LSP1: variants seen among roughly 807,000 people sequenced by gnomAD.
LSP1 encodes the protein lymphocyte-specific protein 1.
LSP1 carries 32 observed loss-of-function variants against 49.3 expected under a neutral mutation model. The observed-to-expected ratio is 0.65, with a 90% CI of 0.49 to 0.87. The LOEUF (loss-of-function observed/expected upper bound fraction) is 0.87. Ranked by LOEUF, LSP1 falls within the 40% of genes least tolerant of loss-of-function variation. The pLI, the probability that LSP1 is intolerant of heterozygous loss-of-function variation, is 0.00. For missense variants in LSP1, 428 were observed against 442.6 expected (o/e 0.97, Z 0.30); for synonymous variants, 179 against 178.8 (o/e 1.00, Z -0.01).
At chr11:1,867,549 C>T (rs1477924210) in intron 1 of LSP1, among the ~76,000 whole-genome samples, 1 of 152,128 alleles carries the variant, frequency 6.6e-6, no homozygotes, top group African/African-American at 2.4e-5. Flanking sequence ...GGTGAAGAGA[C>T]TTCAAGGCCA....
At chr11:1,891,205 C>G (rs2133148339) in intron 10 of LSP1, 1 of 152,770 alleles carries the variant, frequency 6.5e-6, no homozygotes, top group Admixed American at 6.5e-5. Flanking sequence ...TGGGATATTC[C>G]CGCAGACCTC....
intron 10 of LSP1, chr11:1,889,826 G>A (rs1332913847): frequency 1.6e-6 from 1 of 634,644 alleles, no homozygotes; most frequent in Non-Finnish European, 2.9e-6. Flanking sequence ...AGGCCTGGAA[G>A]CCGGGTGGCG....
At chr11:1,870,912 C>T (rs563438350) in intron 1 of LSP1, 14 of 985,818 alleles carry the variant, frequency 1.4e-5, no homozygotes, top group East Asian at 1.1e-4. Flanking sequence ...GCCCAGGCGC[C>T]GCAGCGCTCC....
chr11:1,890,102 G>T, intron 10 of LSP1: 1 of 716,732 alleles, frequency 1.4e-6, no homozygotes, highest in Non-Finnish European at 2.6e-6. Context: ...TGGGGGGCCG[G>T]GTAGGTTCTG....
chr11:1,866,984 G>C, intron 1 of LSP1: 1 of 1,392,338 alleles, frequency 7.2e-7, no homozygotes, highest in Non-Finnish European at 9.5e-7. Context: ...GTGGACCTGG[G>C]GAGGAGACAC....
chr11:1,857,701 C>T (rs1430076340), intron 1 of LSP1, among the ~76,000 whole-genome samples: 1 of 152,206 alleles, frequency 6.6e-6, no homozygotes, highest in Non-Finnish European at 1.5e-5. Context: ...CATCTGCACA[C>T]TCAGAATGTA....
At chr11:1,853,391 A>T (rs1847409308) in intron 1 of LSP1, among the ~76,000 whole-genome samples, 194 bp downstream of exon 1, 1 of 152,260 alleles carries the variant, frequency 6.6e-6, no homozygotes, top group African/African-American at 2.4e-5. Context: ...CCCCCCTCTC[A>T]CAACAAGGGT....
At chr11:1,878,497 A>C (rs964051223) in intron 1 of LSP1, among the ~76,000 whole-genome samples, 3 of 152,026 alleles carry the variant, frequency 2.0e-5, no homozygotes, top group Non-Finnish European at 4.4e-5. Context: ...GGCGGGGTGC[A>C]CAGGCGGCTG....
chr11:1,874,300 TGGGGACAGTGAGGGCAGGCC>T (rs1848216477), intron 1 of LSP1, among the ~76,000 whole-genome samples: 2 of 10,328 alleles, frequency 1.9e-4, no homozygotes, highest in Admixed American at 2.6e-3. Flanking sequence ...GGGGCAGTGT[TGGGGACAGTGAGGGCAGGCC>T]GGGGACAGTG....
intron 1 of LSP1, chr11:1,871,039 C>G (rs1475621811): frequency 1.0e-6 from 1 of 985,480 alleles, no homozygotes; most frequent in Non-Finnish European, 1.2e-6. Flanking sequence ...TGCATGTAGA[C>G]GCATGCGAGG....
At chr11:1,870,565 G>A (rs1847956514) in intron 1 of LSP1, 5 of 1,150,514 alleles carry the variant, frequency 4.3e-6, no homozygotes, top group South Asian at 1.9e-5. Context: ...TGGGTGCTAC[G>A]GTAGGAAGAT....
chr11:1,885,374 C>T lies in LSP1; in HGVS notation c.717+793C>T, dbSNP rs145968477. 1.3e-4 allele frequency among the ~76,000 whole-genome samples: 20 copies of T among 152,166 alleles called. No individual in the cohort carries two copies. The East Asian group carries it at 3.7e-3, about 28-fold the overall frequency. On this transcript the variant is annotated intron_variant, in intron 7 of 10. Transcript: ENST00000311604. ...CATCCAACCAATAGTCCTTCATCCACCAACTCCCTTCAATCCAACCAATAC... is the reference window on the plus strand; with the variant it reads ...CATCCAACCAATAGTCCTTCATCCATCAACTCCCTTCAATCCAACCAATAC...
intron 3 of LSP1, among the ~76,000 whole-genome samples, chr11:1,882,157 CAG>C (rs1848574096): frequency 6.6e-6 from 1 of 152,208 alleles, no homozygotes; most frequent in Admixed American, 6.5e-5. Context: ...ACAGGCCCAA[CAG>C]GGGCTGCTCC....
chr11:1,890,536 G>C, intron 10 of LSP1: 1 of 715,004 alleles, frequency 1.4e-6, no homozygotes, highest in East Asian at 2.7e-5. Context: ...GTTCCCTGGA[G>C]GCTTGGGCCG....
chr11:1,861,694 G>GAT, intron 1 of LSP1, among the ~76,000 whole-genome samples: 1 of 139,294 alleles, frequency 7.2e-6, no homozygotes. Flanking sequence ...TGGATGGGTG[G>GAT]GTGGATGGAT....
intron 1 of LSP1, among the ~76,000 whole-genome samples, chr11:1,875,194 TC>T (rs1244736681): frequency 2.0e-5 from 3 of 148,728 alleles, no homozygotes; most frequent in East Asian, 1.9e-4. Flanking sequence ...GGCTCCGCCC[TC>T]CCCCCCATCA....
chr11:1,867,075 G>T (rs773127872), intron 1 of LSP1, among the ~76,000 whole-genome samples: 1 of 151,792 alleles, frequency 6.6e-6, no homozygotes, highest in African/African-American at 2.4e-5. Context: ...GCTCAGGCTC[G>T]GGGCCAGTCC....
Position 1,870,141 on chromosome 11 carries a change from T to C in LSP1, c.54-9946T>C, listed in dbSNP as rs1011975834. 3 of 574,794 alleles carry C rather than the reference T, an allele frequency of 5.2e-6. No homozygotes were observed. The Admixed American group carries it at 7.0e-5, about 13-fold the overall frequency. The allele number at this position is 574,794 out of a possible 1,614,324, so 35.6% of individuals were successfully genotyped here. ...CTGTGCCTCTTTAAACGGGGATGTCTGGACCTCTGGTGCAGAGGACCAAGG... is the reference window on the plus strand; with the variant it reads ...CTGTGCCTCTTTAAACGGGGATGTCCGGACCTCTGGTGCAGAGGACCAAGG... On this transcript the variant is annotated intron_variant, in intron 1 of 10. Transcript: ENST00000311604.
At position 1,884,388 on chromosome 11, in the gene LSP1, G is replaced by C. The variant is rs978495578; in HGVS notation, c.635+65G>C. 6.2e-6 allele frequency: 10 copies of C among 1,611,536 alleles called. No homozygotes were observed. In the Admixed American group the frequency reaches 6.7e-5, roughly 11 times the overall value. On this transcript the variant is annotated intron_variant, in intron 6 of 10. Transcript: ENST00000311604. This position sits in a 1 kb window ranked among gnomAD's most constrained non-coding sequence, Gnocchi z 4.1. ...TAGGTTTAACCAAGTGGGGGTTGAA[G>C]GGAGTCACAAGGTAGAGATCTGGAG...
Sources: gnomAD v4.1 joint callset for allele counts (sites outside exome capture counted in the v4.1 genomes callset) on GRCh38, gnomAD v4.1.1 for gene constraint, Gnocchi (gnomAD v3.1) non-coding constraint, MANE v1.5 for transcripts, NCBI Gene and HGNC (gene_info 2026-07-23, HGNC 2026-07-21) for gene names.